MYO1D: variants seen among roughly 807,000 people sequenced by gnomAD.
The protein encoded by MYO1D is myosin ID, also known as unconventional myosin-Id.
In MYO1D, 83 loss-of-function variants were observed where a neutral mutation model predicts 122.0. The ratio of observed to expected loss-of-function variants is 0.68; its 90% CI spans 0.57 to 0.82. MYO1D has a LOEUF of 0.82. Ranked by LOEUF, MYO1D falls within the 40% of genes least tolerant of loss-of-function variation. The pLI is 0.00. For missense variants in MYO1D, 1,157 were observed against 1,269.5 expected, an observed-to-expected ratio of 0.91 and a Z score of 1.35; for synonymous variants, 464 against 446.9, an observed-to-expected ratio of 1.04 and a Z score of -0.48.
intron 1 of MYO1D, among the ~76,000 whole-genome samples, chr17:32,786,076 T>A (rs947596315): frequency 6.6e-6 from 1 of 152,160 alleles, no homozygotes; most frequent in Non-Finnish European, 1.5e-5. Context: ...CCTCTCCAAA[T>A]CTCCGGCACT....
At chr17:32,685,232 C>T (rs1279546786) in intron 16 of MYO1D, among the ~76,000 whole-genome samples, 1 of 152,170 alleles carries the variant, frequency 6.6e-6, no homozygotes, top group African/African-American at 2.4e-5. Context: ...CTGGGAAATT[C>T]TATCAAACTC....
intron 21 of MYO1D, among the ~76,000 whole-genome samples, chr17:32,578,431 A>G (rs2087298753): frequency 6.6e-6 from 1 of 152,220 alleles, no homozygotes; most frequent in Non-Finnish European, 1.5e-5. Context: ...CTCATCTGGG[A>G]ATCAGCACTA....
intron 21 of MYO1D, among the ~76,000 whole-genome samples, chr17:32,515,632 T>C (rs920946015): frequency 6.6e-6 from 1 of 152,200 alleles, no homozygotes; most frequent in African/African-American, 2.4e-5. Flanking sequence ...TGCTTTCTTC[T>C]TGGGGCTGAC....
At chr17:32,651,116 G>A (rs577513731) in intron 19 of MYO1D, among the ~76,000 whole-genome samples, 2 of 152,082 alleles carry the variant, frequency 1.3e-5, no homozygotes, top group Non-Finnish European at 2.9e-5. Flanking sequence ...TTTGGTCAAG[G>A]GCTAGTTATA....
intron 20 of MYO1D, among the ~76,000 whole-genome samples, chr17:32,613,141 A>G (rs1394046978): frequency 2.0e-5 from 3 of 147,654 alleles, no homozygotes; most frequent in Non-Finnish European, 4.5e-5. Flanking sequence ...ATTAATTTCT[A>G]TTTATAACTA....
Position 32,494,912 on chromosome 17 carries a change from C to G in MYO1D, c.2868G>C (p.Glu956Asp), listed in dbSNP as rs1909034180. ...VGVLVNHFKS[E>D]KRHLQVNVTN... ...TGACGTTCACTTGAAGGTGGCGCTT[C>G]TCACTGCAGGAACCAAAAACACCAG... The change falls in exon 22 of 22, where the codon GAG (glutamate) becomes GAC (aspartate). Residue 956 changes from glutamate to aspartate, a missense_variant. By Grantham distance (45) the Glu-to-Asp change is conservative (BLOSUM62 2). Coordinates refer to ENST00000318217, the MANE Select transcript of MYO1D (RefSeq NM_015194.3). 1.3e-6 allele frequency: 2 copies of G among 1,597,584 alleles called. No individual in the cohort carries two copies. Among genetic ancestry groups the G allele is most frequent in the Non-Finnish European group, 1.7e-6 (2 of 1,168,608 alleles).
chr17:32,674,341 T>G (rs531576807), intron 16 of MYO1D, among the ~76,000 whole-genome samples: 1 of 152,314 alleles, frequency 6.6e-6, no homozygotes, highest in Admixed American at 6.5e-5. Context: ...CTACTGATAA[T>G]GAGTAAACAT....
chr17:32,755,387 TA>T, intron 11 of MYO1D, 104 bp downstream of exon 11: 1 of 1,209,530 alleles, frequency 8.3e-7, no homozygotes, highest in East Asian at 2.4e-5. Flanking sequence ...TCTTTCTTAT[TA>T]AAGGGGACAT....
chr17:32,534,448 C>T (rs928454371), intron 21 of MYO1D, among the ~76,000 whole-genome samples: 2 of 152,132 alleles, frequency 1.3e-5, no homozygotes, highest in African/African-American at 4.8e-5. Context: ...GTTGGGTTTA[C>T]AGGTATGAGC....
intron 20 of MYO1D, among the ~76,000 whole-genome samples, chr17:32,636,200 A>G (rs559725172): frequency 1.3e-5 from 2 of 152,258 alleles, no homozygotes; most frequent in South Asian, 4.1e-4. Flanking sequence ...ACTCTATACC[A>G]TCAGACTTCC....
At chr17:32,771,643 TG>T (rs1437693705) in intron 5 of MYO1D, among the ~76,000 whole-genome samples, 1 of 152,250 alleles carries the variant, frequency 6.6e-6, no homozygotes, top group Non-Finnish European at 1.5e-5. Flanking sequence ...GACAGTCATA[TG>T]CTGAATCACA....
chr17:32,635,437 A>G (rs555921917), intron 20 of MYO1D, among the ~76,000 whole-genome samples: 112 of 152,288 alleles, frequency 7.4e-4, no homozygotes, highest in African/African-American at 2.6e-3. Context: ...GTGGTGGCTC[A>G]TGCCTGTAAT....
intron 14 of MYO1D, among the ~76,000 whole-genome samples, chr17:32,733,958 T>C (rs1270923355): frequency 6.6e-6 from 1 of 152,218 alleles, no homozygotes; most frequent in Non-Finnish European, 1.5e-5. Context: ...CTAAGTTAAA[T>C]TGATCTCTAA....
At chr17:32,818,125 C>CAAAAAAAAAAAAAAAAAAAAAAAAAAAA (rs58466009) in intron 1 of MYO1D, among the ~76,000 whole-genome samples, 7 of 45,998 alleles carry the variant, frequency 1.5e-4, no homozygotes, top group East Asian at 8.0e-4. Flanking sequence ...GACTCCGTCT[C>CAAAAAAAAAAAAAAAAAAAAAAAAAAAA]AAAAAAAAAA....
At chr17:32,681,599 GCA>G (rs1289601163) in intron 16 of MYO1D, among the ~76,000 whole-genome samples, 11 of 152,106 alleles carry the variant, frequency 7.2e-5, no homozygotes, top group Non-Finnish European at 1.2e-4. Context: ...TAGTTTGATT[GCA>G]CTGTGGTCTG....
At chr17:32,786,680 A>C (rs113723038) in intron 1 of MYO1D, among the ~76,000 whole-genome samples, 5,767 of 152,058 alleles carry the variant, frequency 0.038, 353 homozygotes, top group African/African-American at 0.13. Flanking sequence ...ATTAGCTGGG[A>C]GTGGTGGCGC....
chr17:32,576,237 A>G (rs2087277386), intron 21 of MYO1D, among the ~76,000 whole-genome samples: 1 of 152,186 alleles, frequency 6.6e-6, no homozygotes, highest in African/African-American at 2.4e-5. Flanking sequence ...TCTAAGCACT[A>G]TGACTGATGG....
At chr17:32,623,890 A>G (rs1336635318) in intron 20 of MYO1D, among the ~76,000 whole-genome samples, 4 of 152,150 alleles carry the variant, frequency 2.6e-5, no homozygotes, top group South Asian at 2.1e-4. Context: ...CGATAATCCC[A>G]TTATGAGGGT....
chr17:32,700,165 A>G (rs557568778), intron 16 of MYO1D, among the ~76,000 whole-genome samples: 8 of 152,346 alleles, frequency 5.3e-5, no homozygotes, highest in African/African-American at 1.9e-4. Flanking sequence ...TTTTGGCACC[A>G]AGGACCAATT....
Sources: gnomAD v4.1 joint callset for allele counts (sites outside exome capture counted in the v4.1 genomes callset) on GRCh38, gnomAD v4.1.1 for gene constraint, MANE v1.5 for transcripts, NCBI Gene and HGNC (gene_info 2026-07-23, HGNC 2026-07-21) for gene names.